The following ALK variants were observed in gnomAD, a reference collection of about 807,000 sequenced individuals.
ALK encodes the protein ALK receptor tyrosine kinase.
Under a neutral mutation model 163.1 loss-of-function variants are expected in ALK, and 74 were observed. The observed-to-expected ratio is 0.45, with a 90% CI of 0.38 to 0.55. ALK has a LOEUF of 0.55. ALK is among the 20% of genes least tolerant of loss of function. ALK has a pLI of 0.00. For missense variants in ALK, 2,063 were observed against 2,105.3 expected, an observed-to-expected ratio of 0.98 and a Z score of 0.39; for synonymous variants, 960 against 843.2, an observed-to-expected ratio of 1.14 and a Z score of -2.40.
chr2:29,561,407 T>A (rs1674019247), intron 3 of ALK, among the ~76,000 whole-genome samples: 2 of 152,154 alleles, frequency 1.3e-5, no homozygotes, highest in Non-Finnish European at 2.9e-5. Context: ...TATACAACAG[T>A]AGCCCGGTGA....
At chr2:29,259,093 A>G (rs1314858110) in intron 11 of ALK, among the ~76,000 whole-genome samples, 1 of 152,270 alleles carries the variant, frequency 6.6e-6, no homozygotes, top group East Asian at 1.9e-4. Flanking sequence ...TGTATATCAT[A>G]TCTGCATTTC....
At chr2:29,862,318 A>G (rs1009413079) in intron 1 of ALK, among the ~76,000 whole-genome samples, 5 of 152,162 alleles carry the variant, frequency 3.3e-5, no homozygotes, top group Non-Finnish European at 5.9e-5. Flanking sequence ...AAAGAAAGGG[A>G]AGGGAAAGGG....
chr2:29,556,326 C>T (rs933441120), intron 3 of ALK, among the ~76,000 whole-genome samples: 4 of 152,168 alleles, frequency 2.6e-5, no homozygotes, highest in Middle Eastern at 3.2e-3. Flanking sequence ...ATGGAGAAGT[C>T]TCACGGAGGA....
intron 1 of ALK, among the ~76,000 whole-genome samples, chr2:29,732,362 C>T (rs1237525865): frequency 6.6e-6 from 1 of 152,178 alleles, no homozygotes. Context: ...ACTCTGGGGT[C>T]CCAGACTCTG....
At chr2:29,231,823 A>T (rs1664216019) in intron 15 of ALK, among the ~76,000 whole-genome samples, 1 of 152,134 alleles carries the variant, frequency 6.6e-6, no homozygotes, top group Non-Finnish European at 1.5e-5. Flanking sequence ...GCTCCCATTA[A>T]TGAGGGAGGA....
At chr2:29,357,331 T>C (rs1341727135) in intron 5 of ALK, among the ~76,000 whole-genome samples, 2 of 152,182 alleles carry the variant, frequency 1.3e-5, no homozygotes, top group Non-Finnish European at 2.9e-5. Context: ...GCATCTGGAA[T>C]ACCCTGCACA....
At chr2:29,424,872 AT>A (rs1278954292) in intron 4 of ALK, among the ~76,000 whole-genome samples, 2 of 152,170 alleles carry the variant, frequency 1.3e-5, no homozygotes, top group African/African-American at 4.8e-5. Flanking sequence ...AATGGTGATA[AT>A]AATTAACTTT....
chr2:29,447,283 G>A (rs1670708688), intron 4 of ALK, among the ~76,000 whole-genome samples: 1 of 152,142 alleles, frequency 6.6e-6, no homozygotes, highest in South Asian at 2.1e-4. Context: ...ATGATTTCTT[G>A]CAGAAATCTC....
At chr2:29,255,367 C>T (rs1237411761) in intron 11 of ALK, among the ~76,000 whole-genome samples, 1 of 152,152 alleles carries the variant, frequency 6.6e-6, no homozygotes, top group Non-Finnish European at 1.5e-5. Context: ...TTCCAAACCA[C>T]CTGAGGACCT....
At chr2:29,624,223 A>G (rs1435542575) in intron 3 of ALK, among the ~76,000 whole-genome samples, 2 of 59,550 alleles carry the variant, frequency 3.4e-5, no homozygotes, top group African/African-American at 4.6e-5. Flanking sequence ...TTGGGTGGAG[A>G]TGTGTGAGGG....
chr2:29,275,507 C>A lies in ALK; in HGVS notation c.1818-11G>T, dbSNP rs757408699. 1 of 1,613,442 alleles carries A rather than the reference C, an allele frequency of 6.2e-7. No individual in the cohort carries two copies. The highest frequency in any genetic ancestry group is 8.5e-7 in the Non-Finnish European group (1 of 1,179,464). On this transcript the variant is annotated splice_polypyrimidine_tract_variant and intron_variant, in intron 9 of 28. Coordinates refer to ENST00000389048, the MANE Select transcript of ALK (RefSeq NM_004304.5). ...ATCTGCAGCCAGAACCTGTACACAT[C>A]AAGAGGAATGTGTGTGAGGAGCAAA...
At chr2:29,448,349 A>G (rs540443380) in intron 4 of ALK, among the ~76,000 whole-genome samples, 1 of 152,328 alleles carries the variant, frequency 6.6e-6, no homozygotes, top group African/African-American at 2.4e-5. Flanking sequence ...ATGTGAGTTC[A>G]TTTGCAATTC....
chr2:29,736,977 C>T (rs1382327168), intron 1 of ALK, among the ~76,000 whole-genome samples: 1 of 152,044 alleles, frequency 6.6e-6, no homozygotes, highest in African/African-American at 2.4e-5. Flanking sequence ...TGTTCCAGTA[C>T]TTGGTAGAAC....
chr2:29,552,609 G>A (rs1200469567), intron 3 of ALK, among the ~76,000 whole-genome samples: 2 of 152,206 alleles, frequency 1.3e-5, no homozygotes, highest in African/African-American at 2.4e-5. Flanking sequence ...GACTAATGAT[G>A]TTGAGCATAT....
intron 12 of ALK, among the ~76,000 whole-genome samples, chr2:29,241,304 TG>T (rs1310040639): frequency 6.6e-6 from 1 of 152,106 alleles, no homozygotes; most frequent in Non-Finnish European, 1.5e-5. Context: ...CCTGATCAGG[TG>T]GGGCCATTTC....
At chr2:29,521,616 G>C (rs1672814175) in intron 4 of ALK, among the ~76,000 whole-genome samples, 2 of 152,162 alleles carry the variant, frequency 1.3e-5, no homozygotes, top group Admixed American at 6.5e-5. Context: ...AAGAGGAAAA[G>C]GCAAACTTAG....
chr2:29,514,698 C>T (rs1261369036), intron 4 of ALK, among the ~76,000 whole-genome samples: 1 of 152,214 alleles, frequency 6.6e-6, no homozygotes, highest in Non-Finnish European at 1.5e-5. Flanking sequence ...TGGTGAATGG[C>T]TCTGTCTACC....
chr2:29,429,648 T>C (rs749190957), intron 4 of ALK, among the ~76,000 whole-genome samples: 2 of 152,152 alleles, frequency 1.3e-5, no homozygotes, highest in Non-Finnish European at 2.9e-5. Context: ...AGGATGATGA[T>C]AATCCCTAAA....
intron 3 of ALK, among the ~76,000 whole-genome samples, chr2:29,620,275 A>G (rs1024803396): frequency 1.3e-5 from 2 of 152,040 alleles, no homozygotes; most frequent in African/African-American, 4.8e-5. Flanking sequence ...GATCCATTCC[A>G]GGCCCTTCTC....
Sources: allele counts gnomAD v4.1 joint callset (sites outside exome capture counted in the v4.1 genomes callset), GRCh38; gene constraint gnomAD v4.1.1; transcripts MANE v1.5; gene names NCBI Gene and HGNC (gene_info 2026-07-23, HGNC 2026-07-21).